Variants in CTNNA2 observed in about 807,000 individuals in gnomAD.
The protein encoded by CTNNA2 is catenin alpha 2.
CTNNA2 carries 42 observed loss-of-function variants against 101.0 expected under a neutral mutation model. The observed-to-expected ratio is 0.42, with a 90% confidence interval of 0.32 to 0.54. The LOEUF (loss-of-function observed/expected upper bound fraction) is 0.54. Ranked by LOEUF, CTNNA2 falls within the 20% of genes least tolerant of loss-of-function variation. The probability of loss-of-function intolerance (pLI) is 0.14; values close to 1 mark genes in which losing one functional copy is unlikely to be tolerated. For synonymous variants in CTNNA2, 450 were observed against 456.4 expected (o/e 0.99, Z 0.18); for missense variants, 871 against 1,223.1 (o/e 0.71, Z 4.29).
chr2:79,351,245 A>G (rs1471816417), intron 3 of CTNNA2, among the ~76,000 whole-genome samples: 3 of 152,114 alleles, frequency 2.0e-5, no homozygotes, highest in Non-Finnish European at 4.4e-5. Flanking sequence ...GTTTTCTGCT[A>G]GAATTTGTAT....
chr2:80,636,272 G>A (rs1255465540), intron 18 of CTNNA2, among the ~76,000 whole-genome samples: 1 of 151,636 alleles, frequency 6.6e-6, no homozygotes, highest in Non-Finnish European at 1.5e-5. Context: ...GATAAGGTCA[G>A]TCTTAGTTAG....
chr2:79,466,172 G>A (rs369654137), intron 4 of CTNNA2, among the ~76,000 whole-genome samples: 4 of 152,148 alleles, frequency 2.6e-5, no homozygotes, highest in Non-Finnish European at 5.9e-5. Context: ...CTGGAAAATC[G>A]GGTCACTCCC....
chr2:79,502,327 T>A (rs1671329454), intron 4 of CTNNA2, among the ~76,000 whole-genome samples: 1 of 152,186 alleles, frequency 6.6e-6, no homozygotes, highest in Non-Finnish European at 1.5e-5. Context: ...GGACACAACA[T>A]CAGACTTTAA....
chr2:80,571,097 T>G (rs1198660132), intron 12 of CTNNA2, among the ~76,000 whole-genome samples: 1 of 152,184 alleles, frequency 6.6e-6, no homozygotes, highest in Non-Finnish European at 1.5e-5. Context: ...TCCCCATCTC[T>G]TCCTCAGGGT....
At chr2:80,296,086 A>G (rs1483694797) in intron 7 of CTNNA2, among the ~76,000 whole-genome samples, 1 of 152,132 alleles carries the variant, frequency 6.6e-6, no homozygotes, top group Non-Finnish European at 1.5e-5. Context: ...GGTACATAGT[A>G]GATGCATAAA....
At chr2:79,905,158 A>G (rs1685335668) in intron 6 of CTNNA2, among the ~76,000 whole-genome samples, 1 of 152,210 alleles carries the variant, frequency 6.6e-6, no homozygotes, top group African/African-American at 2.4e-5. Context: ...GAAAACAATA[A>G]TTTTTTAAAG....
intron 12 of CTNNA2, among the ~76,000 whole-genome samples, chr2:80,571,328 C>T (rs979280319): frequency 2.0e-5 from 3 of 152,094 alleles, no homozygotes; most frequent in Non-Finnish European, 4.4e-5. Context: ...TTGTTCAGAT[C>T]GGTTTCTATC....
chr2:79,982,908 CTT>C (rs1176775678), intron 7 of CTNNA2, among the ~76,000 whole-genome samples: 18 of 152,082 alleles, frequency 1.2e-4, no homozygotes, highest in Admixed American at 3.9e-4. Flanking sequence ...CTCTCTCTCT[CTT>C]GACCACAGAT....
At chr2:80,591,196 C>T (rs1457117898) in intron 15 of CTNNA2, among the ~76,000 whole-genome samples, 1 of 152,038 alleles carries the variant, frequency 6.6e-6, no homozygotes, top group African/African-American at 2.4e-5. Flanking sequence ...GTCTGTTAGT[C>T]AAAGTATAGT....
chr2:79,914,838 C>G (rs7573799), intron 7 of CTNNA2, among the ~76,000 whole-genome samples: 127,286 of 151,842 alleles, frequency 0.84, 53,477 homozygotes, highest in Middle Eastern at 0.89. Flanking sequence ...AATTTATAAA[C>G]CATTAATATA....
At chr2:79,842,513 A>G (rs1558572009) in intron 3 of CTNNA2, among the ~76,000 whole-genome samples, 1 of 152,256 alleles carries the variant, frequency 6.6e-6, no homozygotes, top group East Asian at 1.9e-4. Flanking sequence ...CATCATCATC[A>G]TCATTGTCAT....
At chr2:79,858,311 C>T in intron 4 of CTNNA2, 132 bp downstream of exon 4, 1 of 505,042 alleles carries the variant, frequency 2.0e-6, no homozygotes, top group Non-Finnish European at 3.3e-6. Flanking sequence ...CATGTGGTGC[C>T]CACGTCCAAT....
intron 2 of CTNNA2, among the ~76,000 whole-genome samples, chr2:79,288,656 C>T (rs1202617400): frequency 6.6e-6 from 1 of 152,146 alleles, no homozygotes; most frequent in Admixed American, 6.5e-5. Context: ...CTTCCTCATA[C>T]CATGGTGGCT....
At chr2:79,447,236 C>G (rs1324526696) in intron 4 of CTNNA2, among the ~76,000 whole-genome samples, 1 of 151,892 alleles carries the variant, frequency 6.6e-6, no homozygotes, top group Non-Finnish European at 1.5e-5. Flanking sequence ...GCTGTACTAC[C>G]TAATCTCTAT....
At chr2:79,287,678 G>C (rs1675647946) in intron 2 of CTNNA2, among the ~76,000 whole-genome samples, 1 of 152,052 alleles carries the variant, frequency 6.6e-6, no homozygotes, top group African/African-American at 2.4e-5. Flanking sequence ...ATTTAAGTCT[G>C]CAGAGGTTAC....
At chr2:80,587,344 A>G (rs11887518) in intron 14 of CTNNA2, among the ~76,000 whole-genome samples, 10,043 of 152,208 alleles carry the variant, frequency 0.066, 596 homozygotes, top group African/African-American at 0.16. Flanking sequence ...CTTTCCCTAT[A>G]GCAACTAAGA....
intron 4 of CTNNA2, among the ~76,000 whole-genome samples, chr2:79,472,974 C>A (rs1387508860): frequency 6.6e-6 from 1 of 152,200 alleles, no homozygotes; most frequent in Non-Finnish European, 1.5e-5. Context: ...CTGCCAAATT[C>A]TTTGCCACTT....
intron 3 of CTNNA2, among the ~76,000 whole-genome samples, chr2:79,835,003 A>C (rs1679213409): frequency 1.3e-5 from 2 of 152,140 alleles, no homozygotes; most frequent in African/African-American, 2.4e-5. Flanking sequence ...TTTGCAGGCT[A>C]TCTACTCTAT....
rs578231162 is a variant in CTNNA2 at position 80,214,814 on chromosome 2, G to T, written c.1057-178397G>T. On this transcript the variant is annotated intron_variant, in intron 7 of 18. Transcript: ENST00000402739. ...ATTTGAATGTTGGCCTGCCTTGCTA[G>T]GTTGGGGAAGTTCTCCTGCATAATA... is the stretch of plus-strand genomic sequence containing the variant. 3.3e-5 allele frequency among the ~76,000 whole-genome samples: 5 copies of T among 152,282 alleles called. 1 individual carries two copies. In the South Asian group the frequency reaches 1.0e-3, roughly 32 times the overall value.
Sources: allele counts gnomAD v4.1 joint callset (sites outside exome capture counted in the v4.1 genomes callset), GRCh38; gene constraint gnomAD v4.1.1; transcripts MANE v1.5; gene names NCBI Gene and HGNC (gene_info 2026-07-23, HGNC 2026-07-21).